MSH4: variants seen among roughly 807,000 people sequenced by gnomAD.
MSH4 encodes the protein mutS protein homolog 4.
In MSH4, 106 loss-of-function variants were observed where a neutral mutation model predicts 113.7. The ratio of observed to expected loss-of-function variants is 0.93; its 90% CI spans 0.80 to 1.10. MSH4 has a LOEUF of 1.10. MSH4 is among the 50% of genes least tolerant of loss of function. The probability of loss-of-function intolerance (pLI) is 0.00; values close to 1 mark genes in which losing one functional copy is unlikely to be tolerated. For missense variants in MSH4, 1,061 were observed against 1,093.7 expected, an observed-to-expected ratio of 0.97 and a Z score of 0.42; for synonymous variants, 368 against 380.2, an observed-to-expected ratio of 0.97 and a Z score of 0.37.
At chr1:75,843,307 C>G (rs550697338) in intron 7 of MSH4, among the ~76,000 whole-genome samples, 1 of 152,318 alleles carries the variant, frequency 6.6e-6, no homozygotes, top group Admixed American at 6.5e-5. Context: ...TCTTTTATCT[C>G]TTTGTCTTGT....
intron 19 of MSH4, among the ~76,000 whole-genome samples, chr1:75,902,998 C>T (rs1652544132): frequency 6.7e-6 from 1 of 148,886 alleles, no homozygotes; most frequent in Non-Finnish European, 1.5e-5. Flanking sequence ...TGTAGGCTGT[C>T]TCTTCACTTT....
intron 15 of MSH4, among the ~76,000 whole-genome samples, chr1:75,884,297 T>C (rs1652005197): frequency 6.6e-6 from 1 of 152,096 alleles, no homozygotes; most frequent in Non-Finnish European, 1.5e-5. Context: ...AGTTGATATA[T>C]TATACATACA....
Position 75,878,326 on chromosome 1 carries a change from C to A in MSH4, c.1540+8C>A, listed in dbSNP as rs1493367. The A allele has an allele frequency of 0.77, 1,208,147 of 1,562,796 alleles. 469,044 individuals are homozygous for A. The highest frequency in any genetic ancestry group is 0.99 in the East Asian group (42,810 of 43,296). ...TTGTAGATGACATAGCAGGTAATTT[C>A]TTTATTTGATAATGTTTTTTGTAGG... On this transcript the variant is annotated splice_region_variant and intron_variant, in intron 11 of 19. Transcript: ENST00000263187.
chr1:75,886,470 T>TATAATATATATGATGTATTATATATTAC (rs1557524915), intron 15 of MSH4, among the ~76,000 whole-genome samples: 26 of 83,044 alleles, frequency 3.1e-4, no homozygotes, highest in African/African-American at 1.3e-3. Flanking sequence ...TTATATATTA[T>TATAATATATATGATGTATTATATATTAC]ATATAATATA....
intron 17 of MSH4, among the ~76,000 whole-genome samples, chr1:75,892,237 G>A (rs569868578): frequency 3.2e-4 from 48 of 152,264 alleles, no homozygotes; most frequent in African/African-American, 1.1e-3. Context: ...TCTGGAACCT[G>A]CCAGCTTTGG....
chr1:75,869,629 C>T (rs777060525), intron 9 of MSH4, among the ~76,000 whole-genome samples: 13 of 152,154 alleles, frequency 8.5e-5, no homozygotes, highest in South Asian at 2.1e-4. Context: ...ACACACAGCT[C>T]GGGCCATGGC....
At chr1:75,896,650 T>A in intron 17 of MSH4, among the ~76,000 whole-genome samples, 1 of 152,172 alleles carries the variant, frequency 6.6e-6, no homozygotes, top group South Asian at 2.1e-4. Flanking sequence ...TTAATAAAAA[T>A]GTAATATTGC....
rs778770110 is a variant in MSH4 at position 75,803,731 on chromosome 1, G to T, written c.245G>T (p.Gly82Val). Reference sequence around the variant, plus strand: ...TTGACTGTTAATTTTTCAAATTTAGGTTCATACTTTGGAAACAAAAGAGCT... The same window carrying T: ...TTGACTGTTAATTTTTCAAATTTAGTTTCATACTTTGGAAACAAAAGAGCT... ...CPAPNSRPAQ[G>V]SYFGNKRAYA... is the part of the protein sequence containing the mutation. The change falls in exon 2 of 20, where the codon GGT becomes GTT. Residue 82 changes from glycine to valine, a missense_variant and splice_region_variant. Transcript: ENST00000263187. 1.3e-6 allele frequency: 2 copies of T among 1,551,502 alleles called. No homozygotes were observed. The highest frequency in any genetic ancestry group is 1.7e-6 in the Non-Finnish European group (2 of 1,153,084).
chr1:75,879,510 A>T (rs1484944703), intron 12 of MSH4, among the ~76,000 whole-genome samples: 1 of 152,218 alleles, frequency 6.6e-6, no homozygotes, highest in Non-Finnish European at 1.5e-5. Context: ...CCTTTGTACC[A>T]CAGGAATAAT....
intron 8 of MSH4, among the ~76,000 whole-genome samples, chr1:75,860,612 A>G (rs951321394): frequency 3.0e-4 from 45 of 152,308 alleles, no homozygotes; most frequent in African/African-American, 1.1e-3. Context: ...TCTGGCTTGT[A>G]GGGTTTCTGC....
intron 19 of MSH4, among the ~76,000 whole-genome samples, chr1:75,906,744 T>C (rs1652665270): frequency 6.7e-6 from 1 of 149,118 alleles, no homozygotes; most frequent in African/African-American, 2.5e-5. Context: ...CCCTGACATT[T>C]TGATTTTTTC....
At chr1:75,900,462 C>T (rs1436223891) in intron 19 of MSH4, among the ~76,000 whole-genome samples, 8 of 145,820 alleles carry the variant, frequency 5.5e-5, no homozygotes, top group African/African-American at 1.5e-4. Context: ...CCACCACACC[C>T]GGCTAATTTT....
intron 7 of MSH4, among the ~76,000 whole-genome samples, chr1:75,826,170 A>C (rs886987154): frequency 6.6e-6 from 1 of 152,110 alleles, no homozygotes; most frequent in African/African-American, 2.4e-5. Context: ...CACAGATTCA[A>C]CTTCTTCCTG....
At position 75,881,289 on chromosome 1, in the gene MSH4, T is replaced by C; in HGVS notation, c.1825T>C (p.Cys609Arg). The change falls in exon 14 of 20, where the codon TGC becomes CGC. Residue 609 changes from cysteine to arginine, a missense_variant. Cys to Arg is a radical substitution (Grantham distance 180). Coordinates refer to ENST00000263187, the MANE Select transcript of MSH4 (RefSeq NM_002440.4). Reference protein sequence around the residue: ...LLSEIYEHIHCLYKLSDTVSM... With the variant: ...LLSEIYEHIHRLYKLSDTVSM... ...TAGTGAGATTTATGAACATATTCAT[T>C]GCTTATATAAACTATCTGACACTGT... 1 of 1,608,972 alleles carries C rather than the reference T, an allele frequency of 6.2e-7. No individual in the cohort carries two copies. Among genetic ancestry groups the C allele is most frequent in the Non-Finnish European group, 8.5e-7 (1 of 1,176,294 alleles).
chr1:75,804,189 G>A (rs994562050), intron 2 of MSH4, among the ~76,000 whole-genome samples: 1 of 152,002 alleles, frequency 6.6e-6, no homozygotes, highest in African/African-American at 2.4e-5. Context: ...ATACATGATG[G>A]CATTTAAATC....
In MSH4 at chr1:75,811,208, A is replaced by G. The variant is rs5745358; in HGVS notation, c.699+401A>G. Among the ~76,000 whole-genome samples the G allele has an allele frequency of 7.5e-3, 1,144 of 152,272 alleles. 10 individuals carry two copies. Among genetic ancestry groups the G allele is most frequent in the African/African-American group, 0.026 (1,096 of 41,556 alleles). Reference sequence around the variant, plus strand: ...CTTTATTTAAAATTTACTTAATAATATCATTATAAAGAACAATAATTTTAG... The same window carrying G: ...CTTTATTTAAAATTTACTTAATAATGTCATTATAAAGAACAATAATTTTAG... On this transcript the variant is annotated intron_variant, in intron 4 of 19. Coordinates refer to ENST00000263187, the MANE Select transcript of MSH4 (RefSeq NM_002440.4).
At chr1:75,857,056 T>G (rs796792761) in intron 8 of MSH4, among the ~76,000 whole-genome samples, 23 of 152,346 alleles carry the variant, frequency 1.5e-4, no homozygotes, top group African/African-American at 5.3e-4. Context: ...AAGCATTTTT[T>G]CATATGTCTG....
chr1:75,877,166 A>T (rs1051381805), intron 10 of MSH4, among the ~76,000 whole-genome samples, 166 bp downstream of exon 10: 1 of 152,108 alleles, frequency 6.6e-6, no homozygotes, highest in Non-Finnish European at 1.5e-5. Flanking sequence ...TCACATTATA[A>T]GTAGAATAAA....
intron 8 of MSH4, among the ~76,000 whole-genome samples, chr1:75,856,898 C>T (rs1424644152): frequency 6.6e-6 from 1 of 152,174 alleles, no homozygotes; most frequent in Non-Finnish European, 1.5e-5. Flanking sequence ...ATTTACACTC[C>T]CACCAACAGT....
Sources: allele counts gnomAD v4.1 joint callset (sites outside exome capture counted in the v4.1 genomes callset), GRCh38; gene constraint gnomAD v4.1.1; transcripts MANE v1.5; gene names NCBI Gene and HGNC (gene_info 2026-07-23, HGNC 2026-07-21).